The following PANK4 variants were observed in gnomAD, a reference collection of about 807,000 sequenced individuals.
PANK4 encodes the protein 4'-phosphopantetheine phosphatase.
Under a neutral mutation model 87.9 loss-of-function variants are expected in PANK4, and 40 were observed. The observed-to-expected ratio is 0.46, with a 90% CI of 0.35 to 0.59. The LOEUF (loss-of-function observed/expected upper bound fraction) is 0.59. Among genes scored for constraint, PANK4 ranks in the 20% least tolerant of loss-of-function variants. The probability of loss-of-function intolerance (pLI) is 0.00; values close to 1 mark genes in which losing one functional copy is unlikely to be tolerated. For missense variants in PANK4, 926 were observed against 1,072.3 expected (o/e 0.86, Z 1.90); for synonymous variants, 524 against 467.4 (o/e 1.12, Z -1.56).
intron 1 of PANK4, among the ~76,000 whole-genome samples, chr1:2,523,046 C>T (rs1282516009): frequency 6.6e-6 from 1 of 151,558 alleles, no homozygotes; most frequent in Non-Finnish European, 1.5e-5. Flanking sequence ...GGCAAAAATC[C>T]CACATCATGA....
intron 9 of PANK4, among the ~76,000 whole-genome samples, chr1:2,517,015 C>T (rs566630740): frequency 6.6e-6 from 1 of 152,214 alleles, no homozygotes; most frequent in Non-Finnish European, 1.5e-5. Context: ...TGAACGGGGC[C>T]CCCGAAGCAC....
At position 2,512,896 on chromosome 1, in the gene PANK4, G is replaced by A. The variant is rs201048712; in HGVS notation, c.1719C>T (p.Ala573=). Residue 573 remains alanine (A), a synonymous_variant, in exon 13 of 19, where the codon GCC becomes GCT. Coordinates refer to ENST00000378466, the MANE Select transcript of PANK4 (RefSeq NM_018216.4). The part of the protein sequence containing the change: ...AGNVFDWGAK[A]VSAVLESDPY... ...AGCCCGCAGACACCTACGCAGACAC[G>A]GCTTTGGCCCCCCAGTCGAAGACAT... 2.8e-5 allele frequency: 45 copies of A among 1,612,786 alleles called. No individual in the cohort carries two copies. Among genetic ancestry groups the A allele is most frequent in the African/African-American group, 1.7e-4 (13 of 75,058 alleles).
At chr1:2,526,420 CGCCCGCCCCCGCA>C (rs1643925309) in intron 1 of PANK4, 31 bp downstream of exon 1, 1 of 1,092,584 alleles carries the variant, frequency 9.2e-7, no homozygotes, top group Admixed American at 5.2e-5. Flanking sequence ...GCCGGCGCCC[CGCCCGCCCCCGCA>C]GCCCGCGCCC....
chr1:2,511,434 G>A, intron 14 of PANK4, 47 bp from the exon 15 acceptor site: 1 of 1,453,272 alleles, frequency 6.9e-7, no homozygotes, highest in Non-Finnish European at 9.7e-7. Context: ...CTCCAGGTCA[G>A]GGGTCAGGGA....
rs200209497 is a variant in PANK4 at position 2,514,455 on chromosome 1, G to A, written c.1386C>T (p.Arg462=). 24 of 1,609,904 alleles carry A rather than the reference G, an allele frequency of 1.5e-5. No homozygotes were observed. The highest frequency in any genetic ancestry group is 2.7e-5 in the African/African-American group (2 of 74,728). Residue 462 remains arginine, a synonymous_variant, in exon 11 of 19, where the codon CGC becomes CGT. Coordinates refer to ENST00000378466, the MANE Select transcript of PANK4 (RefSeq NM_018216.4). ...CAGAGTCTGGCTGGCTCGCCACTGC[G>A]CGCTTCACTACCTGCCAGCGACAGA... is the stretch of plus-strand genomic sequence containing the variant. The part of the protein sequence containing the change: ...FEEALDGVVK[R]AVASQPDSVD...
rs1397454827 is a variant in PANK4 at position 2,509,652 on chromosome 1, C to A, written c.2108+210G>T. The A allele has an allele frequency of 4.9e-6, 3 of 607,612 alleles. No individual in the cohort carries two copies. The highest frequency in any genetic ancestry group is 1.9e-5 in the African/African-American group (1 of 53,870). 37.6% of individuals were successfully genotyped at this position (607,612 alleles called of 1,614,324 possible). On this transcript the variant is annotated intron_variant, in intron 18 of 18. Coordinates refer to ENST00000378466, the MANE Select transcript of PANK4 (RefSeq NM_018216.4). The surrounding 1 kb of genome is among the most constrained non-coding windows in gnomAD (Gnocchi z 4.9). ...GTCCCCAAACCCAGCCCATGTGTAA[C>A]CACCTCAGACCCTGAATCCATTCAC... is the stretch of plus-strand genomic sequence containing the variant.
At chr1:2,511,734 A>G (rs746904489) in intron 13 of PANK4, 51 bp from the exon 14 acceptor site, 9 of 1,125,752 alleles carry the variant, frequency 8.0e-6, no homozygotes, top group Non-Finnish European at 1.1e-5. Flanking sequence ...AAAAACCTTC[A>G]GCCACAGTGC....
chr1:2,518,188 C>G lies in PANK4; in HGVS notation c.1194G>C (p.Pro398=), dbSNP rs761981794. ...GLMSASPELG[P]AQRARSGTFD... is the part of the protein sequence containing the mutation. ...CAGTGCCACTCCGCGCCCGCTGCGCCGGGCCGAGCTCGGGTGATGCACTCA... is the reference window on the plus strand; with the variant it reads ...CAGTGCCACTCCGCGCCCGCTGCGCGGGGCCGAGCTCGGGTGATGCACTCA... Residue 398 remains proline (P), a synonymous_variant, in exon 9 of 19, where the codon CCG becomes CCC. Coordinates refer to ENST00000378466, the MANE Select transcript of PANK4 (RefSeq NM_018216.4). 26 of 1,609,008 alleles carry G rather than the reference C, an allele frequency of 1.6e-5. No homozygotes were observed. The highest frequency in any genetic ancestry group is 2.1e-5 in the Non-Finnish European group (25 of 1,179,234).
intron 12 of PANK4, among the ~76,000 whole-genome samples, chr1:2,513,444 C>T (rs866487047): frequency 7.9e-5 from 12 of 152,268 alleles, no homozygotes; most frequent in Admixed American, 1.3e-4. Flanking sequence ...GCCTCCGCTG[C>T]TGCCCGCTGC....
chr1:2,509,705 A>G lies in PANK4; in HGVS notation c.2108+157T>C, dbSNP rs1643626796. ...TCCCCAGGCCACCTTCGGGGATGGC[A>G]TATCTGTCCCCTCCTGAGATCAATC... On this transcript the variant is annotated intron_variant, in intron 18 of 18. Transcript: ENST00000378466. The surrounding 1 kb of genome is among the most constrained non-coding windows in gnomAD (Gnocchi z 4.9). The G allele has an allele frequency of 3.0e-6, 2 of 664,578 alleles. No individual in the cohort carries two copies. Among genetic ancestry groups the G allele is most frequent in the East Asian group, 2.7e-5 (1 of 36,764 alleles). 41.2% of individuals were successfully genotyped at this position (664,578 alleles called of 1,614,324 possible).
In PANK4 at chr1:2,526,513, G is replaced by C. The variant is rs1268147242; in HGVS notation, c.75C>G (p.Asp25Glu). ...CGTTCTCCAGGTTGCGGAAGATCTCGTCGGGGGGCAGCGTGATGCTCTTGT... is the reference window on the plus strand; with the variant it reads ...CGTTCTCCAGGTTGCGGAAGATCTCCTCGGGGGGCAGCGTGATGCTCTTGT... ...SLDKSITLPP[D>E]EIFRNLENAK... Residue 25 changes from aspartate to glutamate, a missense_variant, in exon 1 of 19, where the codon GAC (aspartate) becomes GAG (glutamate). By Grantham distance (45) the Asp-to-Glu change is conservative (BLOSUM62 2). Transcript: ENST00000378466. 18 of 1,586,638 alleles carry C rather than the reference G, an allele frequency of 1.1e-5. No homozygotes were observed. Among genetic ancestry groups the C allele is most frequent in the Non-Finnish European group, 1.5e-5 (18 of 1,168,350 alleles).
At chr1:2,525,104 C>T (rs1643908987) in intron 1 of PANK4, among the ~76,000 whole-genome samples, 1 of 152,144 alleles carries the variant, frequency 6.6e-6, no homozygotes, top group African/African-American at 2.4e-5. Flanking sequence ...CTCATCGCCC[C>T]CCACTTCCCT....
At chr1:2,523,994 C>CA (rs1195279935) in intron 1 of PANK4, among the ~76,000 whole-genome samples, 1 of 152,234 alleles carries the variant, frequency 6.6e-6, no homozygotes, top group Non-Finnish European at 1.5e-5. Context: ...CCACAGGCCC[C>CA]ATCCCCTCTG....
intron 15 of PANK4, 55 bp downstream of exon 15, chr1:2,511,283 C>A (rs893684409): frequency 3.1e-6 from 4 of 1,303,862 alleles, no homozygotes; most frequent in Middle Eastern, 1.8e-4. Context: ...CAGTGACCAC[C>A]CCCCCGGGCC....
At chr1:2,525,038 T>C (rs753749825) in intron 1 of PANK4, among the ~76,000 whole-genome samples, 22 of 152,238 alleles carry the variant, frequency 1.4e-4, no homozygotes, top group African/African-American at 4.8e-4. Context: ...CTAAGAAGCA[T>C]TGCCTCCCAT....
Position 2,521,229 on chromosome 1 carries a change from A to G in PANK4, c.294T>C (p.Asn98=). The G allele has an allele frequency of 6.2e-7, 1 of 1,613,822 alleles. No individual in the cohort carries two copies. Among genetic ancestry groups the G allele is most frequent in the Non-Finnish European group, 8.5e-7 (1 of 1,179,896 alleles). The part of the protein sequence containing the change: ...TARLHFIKFE[N]TYIEACLDFI... ...AGTCCAGGCAGGCTTCGATGTAGGT[A>G]TTCTCAAACTTAATGAAGTGCAGTC... Residue 98 remains asparagine, a synonymous_variant, in exon 3 of 19, where the codon AAT becomes AAC. Transcript: ENST00000378466.
At position 2,515,480 on chromosome 1, in the gene PANK4, A is replaced by G. The variant is rs893596325; in HGVS notation, c.1374+82T>C. 5 of 1,465,558 alleles carry G rather than the reference A, an allele frequency of 3.4e-6. No individual in the cohort carries two copies. In the African/African-American group the frequency reaches 6.9e-5, roughly 20 times the overall value. 90.8% of individuals were successfully genotyped at this position (1,465,558 alleles called of 1,614,324 possible). ...CAACACTGGCCTGTCCCCCTTCGCCACCTTGGCTTTGCCCCCGGAGCCTTG... is the reference window on the plus strand; with the variant it reads ...CAACACTGGCCTGTCCCCCTTCGCCGCCTTGGCTTTGCCCCCGGAGCCTTG... On this transcript the variant is annotated intron_variant, in intron 10 of 18. Coordinates refer to ENST00000378466, the MANE Select transcript of PANK4 (RefSeq NM_018216.4). The surrounding 1 kb of genome is among the most constrained non-coding windows in gnomAD (Gnocchi z 5.0).
intron 9 of PANK4, among the ~76,000 whole-genome samples, chr1:2,516,452 A>G (rs1367588976): frequency 6.6e-6 from 1 of 152,178 alleles, no homozygotes; most frequent in Non-Finnish European, 1.5e-5. Context: ...CGCACACATC[A>G]GTACTCGGCT....
At chr1:2,513,977 G>C in intron 12 of PANK4, 25 bp downstream of exon 12, 4 of 1,553,246 alleles carry the variant, frequency 2.6e-6, no homozygotes, top group Non-Finnish European at 3.6e-6. Flanking sequence ...AGAGCGAGCG[G>C]AAGGCCAGGG....
Sources: allele counts gnomAD v4.1 joint callset (sites outside exome capture counted in the v4.1 genomes callset), GRCh38; gene constraint gnomAD v4.1.1; non-coding constraint Gnocchi (gnomAD v3.1); transcripts MANE v1.5; gene names NCBI Gene and HGNC (gene_info 2026-07-23, HGNC 2026-07-21).